Variants in ADGRL3 observed in about 807,000 individuals in gnomAD.
ADGRL3 encodes the protein adhesion G protein-coupled receptor L3.
In ADGRL3, 62 loss-of-function variants were observed where a neutral mutation model predicts 153.5. That is an observed-to-expected ratio of 0.40 (90% confidence interval 0.33 to 0.50). The LOEUF is 0.50. Among genes scored for constraint, ADGRL3 ranks in the 20% least tolerant of loss-of-function variants. ADGRL3 has a pLI of 0.47. For synonymous variants in ADGRL3, 710 were observed against 672.5 expected (o/e 1.06, Z -0.86); for missense variants, 1,641 against 1,859.4 (o/e 0.88, Z 2.16).
intron 2 of ADGRL3, among the ~76,000 whole-genome samples, chr4:61,471,618 G>A (rs1157815739): frequency 6.6e-6 from 1 of 151,768 alleles, no homozygotes; most frequent in Admixed American, 6.6e-5. Context: ...TTTAAAAAAG[G>A]GACTACATTG....
intron 4 of ADGRL3, among the ~76,000 whole-genome samples, chr4:61,534,258 CTG>C (rs2098641409): frequency 6.6e-6 from 1 of 152,026 alleles, no homozygotes; most frequent in Non-Finnish European, 1.5e-5. Flanking sequence ...TTGGTTGTCA[CTG>C]TGTGGCTTTA....
At chr4:62,020,319 G>C (rs935867644) in intron 21 of ADGRL3, among the ~76,000 whole-genome samples, 1 of 152,096 alleles carries the variant, frequency 6.6e-6, no homozygotes, top group Non-Finnish European at 1.5e-5. Context: ...AATCCTGAGA[G>C]TAGGTAATAC....
intron 9 of ADGRL3, among the ~76,000 whole-genome samples, chr4:61,887,998 G>GA (rs1446198375): frequency 2.0e-5 from 3 of 151,976 alleles, no homozygotes; most frequent in African/African-American, 7.3e-5. Flanking sequence ...CAGGCTGAAG[G>GA]AAAAAAATTA....
At chr4:61,314,985 A>G (rs930806891) in intron 1 of ADGRL3, among the ~76,000 whole-genome samples, 5 of 152,232 alleles carry the variant, frequency 3.3e-5, no homozygotes, top group Non-Finnish European at 7.3e-5. Context: ...GATAACTGCT[A>G]TAATTGGAAA....
intron 17 of ADGRL3, among the ~76,000 whole-genome samples, chr4:61,969,744 G>C (rs911941950): frequency 6.6e-6 from 1 of 152,150 alleles, no homozygotes; most frequent in African/African-American, 2.4e-5. Context: ...TGCAACAGTG[G>C]ATGAACTGGT....
At chr4:61,788,962 CTAAT>C (rs1200365753) in intron 8 of ADGRL3, among the ~76,000 whole-genome samples, 1 of 152,016 alleles carries the variant, frequency 6.6e-6, no homozygotes, top group Non-Finnish European at 1.5e-5. Context: ...ATCTTAAAGT[CTAAT>C]TATGGAATCT....
At chr4:61,565,726 T>C (rs9991244) in intron 4 of ADGRL3, among the ~76,000 whole-genome samples, 53,592 of 151,656 alleles carry the variant, frequency 0.35, 10,449 homozygotes, top group East Asian at 0.67. Context: ...TTAGTAGAGA[T>C]GGGATTTCGC....
chr4:61,359,751 T>C (rs2151474664), intron 1 of ADGRL3, among the ~76,000 whole-genome samples: 1 of 152,312 alleles, frequency 6.6e-6, no homozygotes, highest in Admixed American at 6.5e-5. Context: ...TGCTCTAAAC[T>C]CCCCAAAGTT....
intron 4 of ADGRL3, among the ~76,000 whole-genome samples, chr4:61,558,368 T>C (rs1166343171): frequency 1.3e-5 from 2 of 151,598 alleles, no homozygotes; most frequent in Admixed American, 1.3e-4. Context: ...CTCATTTTAG[T>C]GGCCAAATAA....
chr4:61,539,855 T>C lies in ADGRL3; in HGVS notation c.259+22337T>C, dbSNP rs372048810. ...GGGCTCCAAGTCCCTCAGGGGACTG[T>C]CTCTGCCAGAGCCTTTCTGCTTCCC... On this transcript the variant is annotated intron_variant, in intron 4 of 26. Transcript: ENST00000683033. Among the ~76,000 whole-genome samples the C allele has an allele frequency of 8.5e-5, 13 of 152,268 alleles. No homozygotes were observed. The South Asian group carries it at 2.5e-3, about 29-fold the overall frequency.
chr4:62,043,618 C>T (rs1018647790), intron 24 of ADGRL3, among the ~76,000 whole-genome samples: 1 of 151,970 alleles, frequency 6.6e-6, no homozygotes, highest in Non-Finnish European at 1.5e-5. Context: ...AGCAATGTTT[C>T]TTATAACTAT....
intron 6 of ADGRL3, among the ~76,000 whole-genome samples, chr4:61,708,742 A>G (rs948166223): frequency 6.6e-6 from 1 of 152,154 alleles, no homozygotes; most frequent in African/African-American, 2.4e-5. Flanking sequence ...CTAAAAATAA[A>G]AATAGATCAA....
chr4:61,329,935 C>T (rs781042468), intron 1 of ADGRL3, among the ~76,000 whole-genome samples: 2 of 152,126 alleles, frequency 1.3e-5, no homozygotes, highest in Non-Finnish European at 2.9e-5. Flanking sequence ...ATTGGGCCTC[C>T]TTGAGGGCCT....
At chr4:61,985,657 C>G (rs368367943) in intron 19 of ADGRL3, among the ~76,000 whole-genome samples, 1 of 152,032 alleles carries the variant, frequency 6.6e-6, no homozygotes, top group South Asian at 2.1e-4. Flanking sequence ...AAGAAGAGGA[C>G]GCCAGAATTA....
chr4:61,905,800 C>T (rs1006627237), intron 11 of ADGRL3, among the ~76,000 whole-genome samples: 2 of 151,240 alleles, frequency 1.3e-5, no homozygotes, highest in African/African-American at 4.9e-5. Context: ...GAGACCAAGG[C>T]ATGAGAATCA....
chr4:61,811,616 T>C (rs1166707819), intron 8 of ADGRL3, among the ~76,000 whole-genome samples: 2 of 152,132 alleles, frequency 1.3e-5, no homozygotes, highest in Non-Finnish European at 2.9e-5. Context: ...TTACATTAAA[T>C]GGGTGAGCTG....
At chr4:61,291,597 T>C (rs1456345640) in intron 1 of ADGRL3, among the ~76,000 whole-genome samples, 4 of 13,256 alleles carry the variant, frequency 3.0e-4, no homozygotes, top group African/African-American at 6.2e-4. Context: ...TATATATATA[T>C]ATATATACAC....
intron 6 of ADGRL3, among the ~76,000 whole-genome samples, chr4:61,715,561 TG>T (rs2151544890): frequency 6.6e-6 from 1 of 152,300 alleles, no homozygotes; most frequent in South Asian, 2.1e-4. Flanking sequence ...GAAAGCAAGA[TG>T]TTTATTCACT....
chr4:61,706,148 G>A (rs1490521072), intron 6 of ADGRL3, among the ~76,000 whole-genome samples: 1 of 152,024 alleles, frequency 6.6e-6, no homozygotes, highest in Non-Finnish European at 1.5e-5. Context: ...CTGGCCAGGC[G>A]CGGTGGCTCA....
Sources: gnomAD v4.1 joint callset for allele counts (sites outside exome capture counted in the v4.1 genomes callset) on GRCh38, gnomAD v4.1.1 for gene constraint, MANE v1.5 for transcripts, NCBI Gene and HGNC (gene_info 2026-07-23, HGNC 2026-07-21) for gene names.